Variants in NCR3LG1 observed in about 807,000 individuals in gnomAD.
NCR3LG1 encodes the protein natural killer cell cytotoxicity receptor 3 ligand 1.
NCR3LG1 carries 35 observed loss-of-function variants against 34.8 expected under a neutral mutation model. That is an observed-to-expected ratio of 1.01 (90% CI 0.77 to 1.33). The LOEUF is 1.33. Among genes scored for constraint, NCR3LG1 ranks in the 40% most tolerant of loss-of-function variants. The pLI is 0.00. For synonymous variants in NCR3LG1, 173 were observed against 163.6 expected (o/e 1.06, Z -0.44); for missense variants, 452 against 423.3 (o/e 1.07, Z -0.60).
In NCR3LG1 at chr11:17,367,182, A is replaced by C; in HGVS notation, c.595A>C (p.Thr199Pro). ...EISEDVITGP[T>P]IKNMDGTFNV... is the part of the protein sequence containing the mutation. ...TTCTGAGGATGTCATCACTGGTCCC[A>C]CCATCAAGAATATGGATGGCACATT... is the stretch of plus-strand genomic sequence containing the variant. The change falls in exon 3 of 5, where the codon ACC becomes CCC. Residue 199 changes from threonine (T) to proline (P), a missense_variant. Thr to Pro is a conservative substitution (Grantham distance 38, BLOSUM62 -1). Coordinates refer to ENST00000338965, the MANE Select transcript of NCR3LG1 (RefSeq NM_001202439.3). The C allele has an allele frequency of 2.6e-6, 4 of 1,536,614 alleles. No individual in the cohort carries two copies. The highest frequency in any genetic ancestry group is 3.5e-6 in the Non-Finnish European group (4 of 1,147,030).
chr11:17,358,445 G>A (rs916027622), intron 2 of NCR3LG1, among the ~76,000 whole-genome samples: 1 of 152,088 alleles, frequency 6.6e-6, no homozygotes, highest in Non-Finnish European at 1.5e-5. Context: ...TGGGGTTATG[G>A]GTTTTTGGAG....
rs1282935706 is a variant in NCR3LG1 at position 17,374,471 on chromosome 11, C to T, written c.*1959C>T. On this transcript the variant is annotated 3_prime_UTR_variant, in exon 5 of 5. Transcript: ENST00000338965. Reference sequence around the variant, plus strand: ...TGTAGATGACATTCTCCTCTGTGCCCCAACTGAGGAAGTTTCTTGAGACGG... The same window carrying T: ...TGTAGATGACATTCTCCTCTGTGCCTCAACTGAGGAAGTTTCTTGAGACGG... 2.6e-5 allele frequency: 4 copies of T among 152,242 alleles called. No homozygotes were observed. In the East Asian group the frequency reaches 7.7e-4, roughly 29 times the overall value. 9.4% of individuals were successfully genotyped at this position (152,242 alleles called of 1,614,324 possible). A position where few individuals can be genotyped will look rare whatever the true frequency, so the allele number is the denominator to read the frequency against.
chr11:17,354,536 A>ATTCTTC (rs1266055036), intron 1 of NCR3LG1, among the ~76,000 whole-genome samples: 1 of 97,802 alleles, frequency 1.0e-5, no homozygotes, highest in Non-Finnish European at 2.0e-5. Flanking sequence ...CGACCCCCCA[A>ATTCTTC]TTCTTCTTCT....
At chr11:17,353,355 G>C (rs1252256487) in intron 1 of NCR3LG1, among the ~76,000 whole-genome samples, 1 of 152,258 alleles carries the variant, frequency 6.6e-6, no homozygotes, top group Non-Finnish European at 1.5e-5. Flanking sequence ...AGTGAAGTGT[G>C]GGCGGTGAAG....
intron 1 of NCR3LG1, among the ~76,000 whole-genome samples, chr11:17,354,188 G>A (rs1953177099): frequency 6.6e-6 from 1 of 152,256 alleles, no homozygotes; most frequent in South Asian, 2.1e-4. Context: ...TAGAACTGGA[G>A]GTTCTCTATG....
chr11:17,380,051 T>C (rs1953505780), downstream of NCR3LG1, among the ~76,000 whole-genome samples: 1 of 152,204 alleles, frequency 6.6e-6, no homozygotes, highest in Non-Finnish European at 1.5e-5. Flanking sequence ...TGGGAGCTGA[T>C]GCTGGAATAC....
At chr11:17,367,973 C>T (rs533980812) in intron 3 of NCR3LG1, among the ~76,000 whole-genome samples, 3 of 152,206 alleles carry the variant, frequency 2.0e-5, no homozygotes, top group African/African-American at 7.2e-5. Flanking sequence ...CATGCACCAC[C>T]ACGCACGGCT....
chr11:17,360,069 C>A (rs1362789659), intron 2 of NCR3LG1, among the ~76,000 whole-genome samples: 3 of 151,984 alleles, frequency 2.0e-5, no homozygotes, highest in Non-Finnish European at 4.4e-5. Flanking sequence ...CCATGCCTGG[C>A]TAATTTTTGT....
chr11:17,369,636 A>C (rs1953385697), intron 4 of NCR3LG1, among the ~76,000 whole-genome samples: 1 of 152,248 alleles, frequency 6.6e-6, no homozygotes, highest in African/African-American at 2.4e-5. Flanking sequence ...TCTCATTATA[A>C]ATAATTTAGG....
At chr11:17,353,877 C>T (rs1953173106) in intron 1 of NCR3LG1, among the ~76,000 whole-genome samples, 1 of 152,182 alleles carries the variant, frequency 6.6e-6, no homozygotes, top group South Asian at 2.1e-4. Context: ...AAGCTTTCGC[C>T]TAACAAATCA....
At chr11:17,362,681 TTCCTTC>T (rs1953283704) in intron 2 of NCR3LG1, among the ~76,000 whole-genome samples, 2 of 22,596 alleles carry the variant, frequency 8.9e-5, no homozygotes, top group Non-Finnish European at 1.4e-4. Context: ...GTCTCCTTCC[TTCCTTC>T]CTTCCTTTCT....
At chr11:17,377,779 G>A (rs1387027376), downstream of NCR3LG1, among the ~76,000 whole-genome samples, 2 of 152,128 alleles carry the variant, frequency 1.3e-5, no homozygotes, top group Non-Finnish European at 2.9e-5. Flanking sequence ...CTGCACTATC[G>A]TGGCAGTGGT....
chr11:17,365,876 T>G (rs1953339567), intron 2 of NCR3LG1, among the ~76,000 whole-genome samples: 2 of 152,348 alleles, frequency 1.3e-5, no homozygotes, highest in Middle Eastern at 3.4e-3. Context: ...GCTTAAGTAC[T>G]TCTACTGGTT....
intron 4 of NCR3LG1, among the ~76,000 whole-genome samples, chr11:17,370,920 G>A (rs1953399071): frequency 6.6e-6 from 1 of 152,186 alleles, no homozygotes; most frequent in South Asian, 2.1e-4. Context: ...TTAGTAACGA[G>A]GAATGTAACT....
chr11:17,353,235 G>A (rs1012887164), intron 1 of NCR3LG1, among the ~76,000 whole-genome samples: 1 of 152,254 alleles, frequency 6.6e-6, no homozygotes, highest in African/African-American at 2.4e-5. Context: ...AAAATTACAT[G>A]TTAAACACCT....
Position 17,366,999 on chromosome 11 carries a change from TCCCTGACA to T in NCR3LG1, c.422-9_422-2del. 2 of 1,526,598 alleles carry T rather than the reference TCCCTGACA, an allele frequency of 1.3e-6. No homozygotes were observed. Among genetic ancestry groups the T allele is most frequent in the Admixed American group, 4.0e-5 (2 of 50,528 alleles). 94.6% of individuals were successfully genotyped at this position (1,526,598 alleles called of 1,614,324 possible). ...GGGCCCAACTCTGTATGATTTTTTT[TCCCTGACA>T]GCTTCCCCAGCCAGCAGATTGTTGC... On this transcript the variant is annotated splice_acceptor_variant and splice_polypyrimidine_tract_variant and intron_variant, in intron 2 of 4. Transcript: ENST00000338965. LOFTEE classifies it high-confidence loss of function.
intron 1 of NCR3LG1, among the ~76,000 whole-genome samples, chr11:17,353,005 C>G (rs1184758787): frequency 1.3e-5 from 2 of 152,110 alleles, no homozygotes; most frequent in Admixed American, 1.3e-4. Flanking sequence ...TGTAGGAATC[C>G]CGGAGGCGCG....
chr11:17,376,943 T>C lies in NCR3LG1; in HGVS notation c.*4431T>C, dbSNP rs1953482703. Reference sequence around the variant, plus strand: ...GTCTCCTCCTGGTTGAAAGTCCTGCTGGGAATGGCAGGCTCTGGGTAACCA... The same window carrying C: ...GTCTCCTCCTGGTTGAAAGTCCTGCCGGGAATGGCAGGCTCTGGGTAACCA... On this transcript the variant is annotated 3_prime_UTR_variant, in exon 5 of 5. Coordinates refer to ENST00000338965, the MANE Select transcript of NCR3LG1 (RefSeq NM_001202439.3). 1 of 152,188 alleles carries C rather than the reference T, an allele frequency of 6.6e-6. No individual in the cohort carries two copies. The highest frequency in any genetic ancestry group is 6.5e-5 in the Admixed American group (1 of 15,280). 9.4% of individuals were successfully genotyped at this position (152,188 alleles called of 1,614,324 possible).
rs1953486959 is a variant in NCR3LG1, at chr11:17,377,333, A to G, written c.*4821A>G. On this transcript the variant is annotated 3_prime_UTR_variant, in exon 5 of 5. Transcript: ENST00000338965. ...CTGTACTAATAATACAAAAAAAAAA[A>G]AAAAAAAAGCCAGGCGTGGTGGTGC... 1 of 151,076 alleles carries G rather than the reference A, an allele frequency of 6.6e-6. No individual in the cohort carries two copies. Among genetic ancestry groups the G allele is most frequent in the Admixed American group, 6.6e-5 (1 of 15,190 alleles). 9.4% of individuals were successfully genotyped at this position (151,076 alleles called of 1,614,324 possible). A position where few individuals can be genotyped will look rare whatever the true frequency, so the allele number is the denominator to read the frequency against.
Sources: gnomAD v4.1 joint callset for allele counts (sites outside exome capture counted in the v4.1 genomes callset) on GRCh38, gnomAD v4.1.1 for gene constraint, MANE v1.5 for transcripts, NCBI Gene and HGNC (gene_info 2026-07-23, HGNC 2026-07-21) for gene names.